The following NFIB variants were observed in gnomAD, a reference collection of about 807,000 sequenced individuals.
NFIB encodes nuclear factor I B.
In NFIB, 11 loss-of-function variants were observed where a neutral mutation model predicts 61.5. The observed-to-expected ratio is 0.18, with a 90% confidence interval of 0.11 to 0.30. The LOEUF is 0.30. Ranked by LOEUF, NFIB falls within the 10% of genes least tolerant of loss-of-function variation. NFIB has a pLI of 1.00. For missense variants in NFIB, 471 were observed against 608.9 expected (o/e 0.77, Z 2.38); for synonymous variants, 260 against 216.5 (o/e 1.20, Z -1.76).
chr9:14,195,898 T>TC lies in NFIB; in HGVS notation c.563-16119_563-16118insG, dbSNP rs1169351477. Among the ~76,000 whole-genome samples, 3 of 152,152 alleles carry TC rather than the reference T, an allele frequency of 2.0e-5. No individual in the cohort carries two copies. The East Asian group carries it at 5.8e-4, about 29-fold the overall frequency. ...ATTTAAGAAAATGTTTTTTAAACTT[T>TC]TTTTTTTGCAAAAGAAAATGCATAA... On this transcript the variant is annotated intron_variant, in intron 2 of 10. Coordinates refer to ENST00000380953, the MANE Select transcript of NFIB (RefSeq NM_001190737.2).
chr9:14,306,954 T>C (rs564472740), intron 2 of NFIB, 35 bp downstream of exon 2: 1 of 1,606,152 alleles, frequency 6.2e-7, no homozygotes, highest in South Asian at 1.1e-5. Flanking sequence ...TAGGCGGTGT[T>C]TGCCGTGCTA....
rs2119157255 is a variant in NFIB, at chr9:14,120,956, A to G, written c.1061-332T>C. On this transcript the variant is annotated intron_variant, in intron 7 of 10. Transcript: ENST00000380953. The surrounding 1 kb of genome is among the most constrained non-coding windows in gnomAD (Gnocchi z 4.4). ...AGCAAAGATATATCCCGTTGAAAAC[A>G]TATTCTTTGATTATAAAATCTTTAG... is the stretch of plus-strand genomic sequence containing the variant. Among the ~76,000 whole-genome samples, 1 of 152,324 alleles carries G rather than the reference A, an allele frequency of 6.6e-6. No homozygotes were observed. Among genetic ancestry groups the G allele is most frequent in the East Asian group, 1.9e-4 (1 of 5,180 alleles).
At chr9:14,203,590 G>A (rs958058071) in intron 2 of NFIB, among the ~76,000 whole-genome samples, 6 of 152,204 alleles carry the variant, frequency 3.9e-5, no homozygotes, top group South Asian at 4.1e-4. Context: ...GCGCGGGCAG[G>A]ATCTAAAATG....
intron 2 of NFIB, among the ~76,000 whole-genome samples, chr9:14,274,251 T>TACACACACACACACACACACACACACAC (rs71321975): frequency 4.0e-5 from 5 of 123,976 alleles, no homozygotes; most frequent in African/African-American, 1.3e-4. Flanking sequence ...TCTTCCTCCC[T>TACACACACACACACACACACACACACAC]ACACACACAC....
chr9:14,118,983 C>T (rs1264893664), intron 8 of NFIB, among the ~76,000 whole-genome samples: 2 of 151,606 alleles, frequency 1.3e-5, no homozygotes, highest in African/African-American at 4.8e-5. Flanking sequence ...ATAATTTTTC[C>T]CCTAACAGTG....
rs1043322670 is a variant in NFIB, at chr9:14,168,230, A to C, written c.616+11497T>G. ...ATTGGTCTAAGCCTCTGCTTCATAA[A>C]TCTTGGACATTGTCTGTAGGTAGGC... On this transcript the variant is annotated intron_variant, in intron 3 of 10. Coordinates refer to ENST00000380953, the MANE Select transcript of NFIB (RefSeq NM_001190737.2). 2.0e-5 allele frequency among the ~76,000 whole-genome samples: 3 copies of C among 152,194 alleles called. No individual in the cohort carries two copies. The South Asian group carries it at 6.2e-4, about 31-fold the overall frequency.
intron 10 of NFIB, chr9:14,102,375 G>A: frequency 1.4e-6 from 2 of 1,461,082 alleles, no homozygotes; most frequent in Non-Finnish European, 1.9e-6. Context: ...TATAGCTCAT[G>A]TAATTTTTAG....
At chr9:14,106,377 C>T (rs766031501) in intron 10 of NFIB, among the ~76,000 whole-genome samples, 5 of 151,780 alleles carry the variant, frequency 3.3e-5, no homozygotes, top group Non-Finnish European at 7.4e-5. Flanking sequence ...AATTTCAAAA[C>T]CAAATAAAAG....
At chr9:14,151,227 C>A (rs2042837823) in intron 4 of NFIB, among the ~76,000 whole-genome samples, 1 of 152,098 alleles carries the variant, frequency 6.6e-6, no homozygotes, top group Non-Finnish European at 1.5e-5. Context: ...AGTTCCCTTC[C>A]TTCTTTGCTT....
At chr9:14,098,126 G>C (rs560708104) in intron 10 of NFIB, among the ~76,000 whole-genome samples, 1 of 152,070 alleles carries the variant, frequency 6.6e-6, no homozygotes, top group South Asian at 2.1e-4. Context: ...TATGGCATCC[G>C]CAGAAACACA....
At chr9:14,187,195 A>G (rs28440824) in intron 2 of NFIB, among the ~76,000 whole-genome samples, 7,021 of 152,100 alleles carry the variant, frequency 0.046, 479 homozygotes, top group African/African-American at 0.15. Context: ...CTGTTCATGA[A>G]AAGTTTTAAC....
At chr9:14,107,383 T>TGCCAATTTC (rs962805472) in intron 10 of NFIB, among the ~76,000 whole-genome samples, 3 of 152,006 alleles carry the variant, frequency 2.0e-5, no homozygotes, top group African/African-American at 7.2e-5. Context: ...TCACTTCTAG[T>TGCCAATTTC]GCCAATTTCT....
intron 1 of NFIB, among the ~76,000 whole-genome samples, chr9:14,390,069 G>C (rs900712222): frequency 2.0e-5 from 3 of 152,162 alleles, no homozygotes; most frequent in Non-Finnish European, 4.4e-5. Context: ...CTCAGGGACA[G>C]TAAGAAAAGG....
chr9:14,169,134 T>C (rs745710689), intron 3 of NFIB, among the ~76,000 whole-genome samples: 1 of 152,178 alleles, frequency 6.6e-6, no homozygotes, highest in Non-Finnish European at 1.5e-5. Flanking sequence ...ATCCATTGCA[T>C]TGAAAACATT....
chr9:14,214,280 C>A (rs2050617883), intron 2 of NFIB, among the ~76,000 whole-genome samples: 1 of 152,206 alleles, frequency 6.6e-6, no homozygotes, highest in African/African-American at 2.4e-5. Flanking sequence ...TCAAAGCACA[C>A]AGGGCCAGTG....
At chr9:14,344,658 T>A (rs2060997784) in intron 1 of NFIB, among the ~76,000 whole-genome samples, 1 of 152,280 alleles carries the variant, frequency 6.6e-6, no homozygotes, top group Non-Finnish European at 1.5e-5. Context: ...TCAGTGTTTA[T>A]ACTGTTTTGT....
At chr9:14,167,559 T>C (rs543359533) in intron 3 of NFIB, among the ~76,000 whole-genome samples, 3 of 151,932 alleles carry the variant, frequency 2.0e-5, no homozygotes, top group Non-Finnish European at 2.9e-5. Context: ...CAAACACATA[T>C]GTCAAAACTC....
chr9:14,148,556 C>A (rs2042536055), intron 5 of NFIB, among the ~76,000 whole-genome samples: 1 of 152,116 alleles, frequency 6.6e-6, no homozygotes, highest in South Asian at 2.1e-4. Flanking sequence ...CCTCAAAAAT[C>A]ATATACATAA....
chr9:14,298,629 G>A (rs1370685480), intron 2 of NFIB, among the ~76,000 whole-genome samples: 1 of 152,128 alleles, frequency 6.6e-6, no homozygotes, highest in South Asian at 2.1e-4. Context: ...AACAGAAGAC[G>A]TAGCTACTGC....
Sources: gnomAD v4.1 joint callset for allele counts (sites outside exome capture counted in the v4.1 genomes callset) on GRCh38, gnomAD v4.1.1 for gene constraint, Gnocchi (gnomAD v3.1) non-coding constraint, MANE v1.5 for transcripts, NCBI Gene and HGNC (gene_info 2026-07-23, HGNC 2026-07-21) for gene names.